EPM2A: variants seen among roughly 807,000 people sequenced by gnomAD.
EPM2A encodes the protein EPM2A glucan phosphatase, laforin.
In EPM2A, 21 loss-of-function variants were observed where a neutral mutation model predicts 26.5. The ratio of observed to expected loss-of-function variants is 0.79; its 90% CI spans 0.56 to 1.14. The LOEUF is 1.14. Ranked by LOEUF, EPM2A falls within the 50% of genes most tolerant of loss-of-function variation. The pLI is 0.00. For synonymous variants in EPM2A, 217 were observed against 177.6 expected (o/e 1.22, Z -1.76); for missense variants, 458 against 440.8 (o/e 1.04, Z -0.35).
rs1775818495 is a variant in EPM2A at position 145,626,507 on chromosome 6, A to C, written c.*909T>G. 1.0e-6 allele frequency: 1 copy of C among 985,720 alleles called. No individual in the cohort carries two copies. The highest frequency in any genetic ancestry group is 6.1e-5 in the Admixed American group (1 of 16,264). 61.1% of individuals were successfully genotyped at this position (985,720 alleles called of 1,614,324 possible). A position where few individuals can be genotyped will look rare whatever the true frequency, so the allele number is the denominator to read the frequency against. Reference sequence around the variant, plus strand: ...TTCTTTGGCAACTGATCAGAATACTATTCTATGTCTCGCTATAGAAACTCC... The same window carrying C: ...TTCTTTGGCAACTGATCAGAATACTCTTCTATGTCTCGCTATAGAAACTCC... On this transcript the variant is annotated 3_prime_UTR_variant, in exon 4 of 4. Coordinates refer to ENST00000367519, the MANE Select transcript of EPM2A (RefSeq NM_005670.4).
intron 1 of EPM2A, among the ~76,000 whole-genome samples, chr6:145,714,402 A>C (rs945784139): frequency 6.6e-6 from 1 of 152,220 alleles, no homozygotes; most frequent in African/African-American, 2.4e-5. Context: ...TACTATAGCG[A>C]AGTGATATAA....
intron 4 of EPM2A, chr6:145,491,136 T>C: frequency 1.8e-6 from 1 of 564,758 alleles, no homozygotes; most frequent in Non-Finnish European, 3.4e-6. Flanking sequence ...TATTTTCCTC[T>C]AATGGAGCTG....
intron 1 of EPM2A, among the ~76,000 whole-genome samples, chr6:145,710,786 CAG>C (rs1276800773): frequency 6.6e-6 from 1 of 151,952 alleles, no homozygotes; most frequent in Non-Finnish European, 1.5e-5. Flanking sequence ...GAATACTATG[CAG>C]CCACAAAAAA....
At chr6:145,621,676 T>C (rs894649644), downstream of EPM2A, among the ~76,000 whole-genome samples, 3 of 152,030 alleles carry the variant, frequency 2.0e-5, no homozygotes, top group Non-Finnish European at 4.4e-5. Flanking sequence ...TTTTAAACAG[T>C]ATTTCCCTAA....
At chr6:145,678,751 C>A (rs896136947) in intron 2 of EPM2A, among the ~76,000 whole-genome samples, 1 of 152,180 alleles carries the variant, frequency 6.6e-6, no homozygotes, top group African/African-American at 2.4e-5. Context: ...CAGGAAACAA[C>A]AGATGCTGGA....
intron 2 of EPM2A, among the ~76,000 whole-genome samples, chr6:145,662,847 T>C (rs1040265160): frequency 3.9e-5 from 6 of 152,172 alleles, no homozygotes; most frequent in African/African-American, 1.4e-4. Context: ...AAAGTGCTTA[T>C]ATAGGCCCTT....
upstream of EPM2A, chr6:145,735,731 C>A (rs879668945): frequency 3.9e-6 from 3 of 776,974 alleles, no homozygotes; most frequent in Non-Finnish European, 4.8e-6. Flanking sequence ...CTTTGTGCCC[C>A]GCAACCCCGC....
chr6:145,445,051 C>A (rs995521423), intron 4 of EPM2A, among the ~76,000 whole-genome samples: 1 of 151,994 alleles, frequency 6.6e-6, no homozygotes, highest in South Asian at 2.1e-4. Context: ...TACTAAGGTG[C>A]TGTGTGTGTA....
chr6:145,586,517 T>C lies in EPM2A; in HGVS notation c.340+48728A>G, dbSNP rs1170411770. Among the ~76,000 whole-genome samples, 6 of 152,202 alleles carry C rather than the reference T, an allele frequency of 3.9e-5. No homozygotes were observed. In the South Asian group the frequency reaches 1.2e-3, roughly 32 times the overall value. ...TAGAACTGTTTATCCTTTTAATTTA[T>C]ATTAATTTTCTGTATCATTGAATCT... On this transcript the variant is annotated intron_variant, in intron 2 of 3. Transcript: ENST00000450221.
chr6:145,552,959 ATACTT>A (rs1264389698), intron 2 of EPM2A, among the ~76,000 whole-genome samples: 3 of 152,090 alleles, frequency 2.0e-5, no homozygotes, highest in Non-Finnish European at 4.4e-5. Flanking sequence ...ACCACTTAAA[ATACTT>A]TACATCTGAT....
Position 145,625,868 on chromosome 6 carries a change from G to A in EPM2A, c.*1548C>T. ...CTCTTGCATCTATCAATATGTGTTT[G>A]TGGAAGAAAGGAAGGTGCAGAAAAA... On this transcript the variant is annotated 3_prime_UTR_variant, in exon 4 of 4. Transcript: ENST00000367519. 1.3e-6 allele frequency: 2 copies of A among 1,498,202 alleles called. No individual in the cohort carries two copies. The highest frequency in any genetic ancestry group is 1.8e-6 in the Non-Finnish European group (2 of 1,120,790). The allele number at this position is 1,498,202 out of a possible 1,614,324, so 92.8% of individuals were successfully genotyped here.
intron 4 of EPM2A, among the ~76,000 whole-genome samples, chr6:145,417,312 C>A (rs1209758597): frequency 6.6e-6 from 1 of 152,156 alleles, no homozygotes; most frequent in Non-Finnish European, 1.5e-5. Context: ...AGGAAAAACA[C>A]TTTTGCATTT....
chr6:145,733,858 A>T (rs915524307), intron 1 of EPM2A, among the ~76,000 whole-genome samples: 1 of 149,578 alleles, frequency 6.7e-6, no homozygotes, highest in South Asian at 2.1e-4. Flanking sequence ...TAAATGGCCC[A>T]TTTTTTTTTT....
At chr6:145,597,744 G>GCC (rs1382102104) in intron 2 of EPM2A, among the ~76,000 whole-genome samples, 2 of 151,918 alleles carry the variant, frequency 1.3e-5, no homozygotes, top group Non-Finnish European at 2.9e-5. Context: ...CCTCAAGAAG[G>GCC]CCCCAGTGTC....
intron 4 of EPM2A, among the ~76,000 whole-genome samples, chr6:145,402,228 T>C (rs773060343): frequency 6.6e-6 from 1 of 152,104 alleles, no homozygotes; most frequent in Non-Finnish European, 1.5e-5. Flanking sequence ...ATCATATGCC[T>C]GATAGATGAG....
intron 2 of EPM2A, among the ~76,000 whole-genome samples, chr6:145,534,808 G>A (rs919255826): frequency 2.0e-5 from 3 of 152,160 alleles, no homozygotes; most frequent in Admixed American, 1.3e-4. Flanking sequence ...GTCATTTGGT[G>A]ATATATCTGC....
intron 4 of EPM2A, among the ~76,000 whole-genome samples, chr6:145,403,403 C>A (rs1266680264): frequency 2.7e-5 from 4 of 150,918 alleles, no homozygotes; most frequent in Non-Finnish European, 5.9e-5. Context: ...ACCACCACCC[C>A]CTGATGCCCC....
intron 1 of EPM2A, among the ~76,000 whole-genome samples, chr6:145,707,553 C>A (rs532972467): frequency 6.6e-6 from 1 of 152,022 alleles, no homozygotes; most frequent in Non-Finnish European, 1.5e-5. Context: ...GTGCTATTTT[C>A]GTGATAGTGA....
intron 2 of EPM2A, among the ~76,000 whole-genome samples, chr6:145,595,290 G>A (rs1317784035): frequency 6.6e-6 from 1 of 151,598 alleles, no homozygotes; most frequent in East Asian, 1.9e-4. Flanking sequence ...AAAAAGCCAT[G>A]CAAACTTCAG....
Sources: gnomAD v4.1 joint callset for allele counts (sites outside exome capture counted in the v4.1 genomes callset) on GRCh38, gnomAD v4.1.1 for gene constraint, MANE v1.5 for transcripts, NCBI Gene and HGNC (gene_info 2026-07-23, HGNC 2026-07-21) for gene names.